The following ZNG1E variants were observed in gnomAD, a reference collection of about 807,000 sequenced individuals.
ZNG1E encodes the protein Zn regulated GTPase metalloprotein activator 1E.
chr9:65,717,159 CA>C, the ZNG1E span, among the ~76,000 whole-genome samples: 2 of 149,062 alleles, frequency 1.3e-5, no homozygotes, highest in Non-Finnish European at 3.0e-5. Context: ...TTCAGGTATC[CA>C]GTATCACTTA....
At chr9:65,659,648 G>A in the ZNG1E span, among the ~76,000 whole-genome samples, 2 of 152,096 alleles carry the variant, frequency 1.3e-5, no homozygotes, top group African/African-American at 2.4e-5. Context: ...AGTCACAAAA[G>A]GAGTATGAAT....
chr9:65,704,641 G>C, the ZNG1E span: 2 of 870,682 alleles, frequency 2.3e-6, 1 homozygote, highest in Non-Finnish European at 2.7e-6. Context: ...GGCTGGGTGC[G>C]GTGGCTCATG....
At chr9:65,658,925 C>T in the ZNG1E span, among the ~76,000 whole-genome samples, 77 of 151,604 alleles carry the variant, frequency 5.1e-4, no homozygotes, top group African/African-American at 1.8e-3. Context: ...CATTAGACCT[C>T]ATTTTACCTT....
chr9:65,662,637 T>TATTAATAACAA, the ZNG1E span, among the ~76,000 whole-genome samples: 45 of 150,246 alleles, frequency 3.0e-4, no homozygotes, highest in East Asian at 2.0e-3. Context: ...AAATTAATGG[T>TATTAATAACAA]GAAGTGGTGA....
chr9:65,722,697 A>ATT, the ZNG1E span, among the ~76,000 whole-genome samples: 241 of 8,392 alleles, frequency 0.029, 85 homozygotes, highest in Admixed American at 0.061. Context: ...TGCCTAGCTA[A>ATT]TTTTTTTTTT....
At chr9:65,677,615 A>G in the ZNG1E span, among the ~76,000 whole-genome samples, 1 of 152,258 alleles carries the variant, frequency 6.6e-6, no homozygotes. Context: ...CTGCCCTTTA[A>G]TTTATTCGTT....
chr9:65,687,792 C>G, the ZNG1E span, among the ~76,000 whole-genome samples: 1 of 136,438 alleles, frequency 7.3e-6, no homozygotes, highest in Non-Finnish European at 1.6e-5. Context: ...TCCTTGAAGG[C>G]ACTTTTTTTT....
chr9:65,686,030 CTTTT>C, the ZNG1E span, among the ~76,000 whole-genome samples: 38 of 132,710 alleles, frequency 2.9e-4, no homozygotes, highest in African/African-American at 1.0e-3. Flanking sequence ...TTGAAGGAAT[CTTTT>C]TTTTTCTAAG....
the ZNG1E span, among the ~76,000 whole-genome samples, chr9:65,677,618 TATTC>T: frequency 1.3e-5 from 2 of 152,274 alleles, no homozygotes; most frequent in African/African-American, 4.8e-5. Flanking sequence ...CCCTTTAATT[TATTC>T]GTTGCATGTT....
At chr9:65,684,289 C>A in the ZNG1E span, among the ~76,000 whole-genome samples, 1 of 151,554 alleles carries the variant, frequency 6.6e-6, no homozygotes, top group Non-Finnish European at 1.5e-5. Flanking sequence ...GTAATCCCAG[C>A]ACTTTGGGAG....
the ZNG1E span, among the ~76,000 whole-genome samples, chr9:65,684,285 C>T: frequency 2.6e-5 from 4 of 151,480 alleles, no homozygotes; most frequent in Non-Finnish European, 5.9e-5. Context: ...GCCTGTAATC[C>T]CAGCACTTTG....
the ZNG1E span, among the ~76,000 whole-genome samples, chr9:65,714,455 C>T: frequency 5.4e-5 from 8 of 147,386 alleles, no homozygotes; most frequent in East Asian, 2.0e-4. Context: ...GGAGGAGAGG[C>T]GCTCTGCTTT....
the ZNG1E span, chr9:65,706,443 C>G: frequency 1.2e-5 from 1 of 85,324 alleles, no homozygotes; most frequent in Non-Finnish European, 2.1e-5. Context: ...TTTTAAAATG[C>G]TGGTAATGGT....
At chr9:65,687,950 AC>A in the ZNG1E span, among the ~76,000 whole-genome samples, 1 of 150,954 alleles carries the variant, frequency 6.6e-6, no homozygotes, top group African/African-American at 2.4e-5. Context: ...CTTGTTTATT[AC>A]CATGAATACT....
the ZNG1E span, among the ~76,000 whole-genome samples, chr9:65,720,778 C>T: frequency 3.3e-4 from 47 of 142,610 alleles, no homozygotes; most frequent in African/African-American, 1.2e-3. Context: ...TTTTGAATTG[C>T]TATTGGTTGT....
chr9:65,694,418 A>G, the ZNG1E span, among the ~76,000 whole-genome samples: 1 of 150,198 alleles, frequency 6.7e-6, no homozygotes, highest in East Asian at 2.0e-4. Context: ...AATAGAATCT[A>G]TTATCAGCAT....
the ZNG1E span, among the ~76,000 whole-genome samples, chr9:65,678,439 T>C: frequency 5.0e-5 from 7 of 140,086 alleles, no homozygotes; most frequent in South Asian, 1.6e-3. Context: ...TCTAGTTATA[T>C]ACTAGAAAAC....
the ZNG1E span, among the ~76,000 whole-genome samples, chr9:65,721,610 AC>A: frequency 2.7e-5 from 4 of 150,126 alleles, no homozygotes; most frequent in South Asian, 4.2e-4. Flanking sequence ...TTTAAAAAAA[AC>A]AAATGTATTT....
At chr9:65,710,573 G>A in the ZNG1E span, among the ~76,000 whole-genome samples, 5 of 152,192 alleles carry the variant, frequency 3.3e-5, no homozygotes, top group Non-Finnish European at 7.3e-5. Flanking sequence ...TTCTACATAC[G>A]GCTAGCCAGT....
Sources: gnomAD v4.1 joint callset for allele counts (sites outside exome capture counted in the v4.1 genomes callset) on GRCh38, gnomAD v4.1.1 for gene constraint, MANE v1.5 for transcripts, NCBI Gene and HGNC (gene_info 2026-07-23, HGNC 2026-07-21) for gene names.